The following ZNF257 variants were observed in gnomAD, a reference collection of about 807,000 sequenced individuals.
The protein encoded by ZNF257 is zinc finger protein 257.
In ZNF257, 12 loss-of-function variants were observed where a neutral mutation model predicts 11.9. That is an observed-to-expected ratio of 1.01 (90% confidence interval 0.65 to 1.63). ZNF257 has a LOEUF of 1.63. ZNF257 is among the 40% of genes most tolerant of loss of function. The pLI is 0.00. For synonymous variants in ZNF257, 183 were observed against 222.7 expected (o/e 0.82, Z 1.59); for missense variants, 580 against 665.5 (o/e 0.87, Z 1.41).
intron 3 of ZNF257, among the ~76,000 whole-genome samples, chr19:22,079,598 T>G (rs1013429193): frequency 1.3e-5 from 2 of 152,084 alleles, no homozygotes; most frequent in African/African-American, 4.8e-5. Flanking sequence ...CTCCTGGAAC[T>G]TATTCACTAT....
chr19:22,087,634 A>G, intron 3 of ZNF257: 4 of 1,164,160 alleles, frequency 3.4e-6, no homozygotes, highest in Non-Finnish European at 4.3e-6. Flanking sequence ...AAATAGAAAC[A>G]AGGAGTTGGC....
chr19:22,062,288 A>C (rs916693139), intron 1 of ZNF257, among the ~76,000 whole-genome samples: 2 of 134,442 alleles, frequency 1.5e-5, no homozygotes, highest in African/African-American at 5.7e-5. Flanking sequence ...TGCAGTGGCG[A>C]ATTTTTTTTG....
intron 1 of ZNF257, among the ~76,000 whole-genome samples, chr19:22,071,107 C>T (rs1292577133): frequency 6.6e-6 from 1 of 152,000 alleles, no homozygotes; most frequent in East Asian, 1.9e-4. Flanking sequence ...AAGGTAGAAA[C>T]CTTTGCACTA....
intron 3 of ZNF257, among the ~76,000 whole-genome samples, chr19:22,079,969 G>A (rs959822752): frequency 6.6e-6 from 1 of 151,944 alleles, no homozygotes; most frequent in Non-Finnish European, 1.5e-5. Context: ...TATAATTTTG[G>A]TATACTTAAA....
At chr19:22,066,994 G>A (rs1195638166) in intron 1 of ZNF257, among the ~76,000 whole-genome samples, 4 of 151,724 alleles carry the variant, frequency 2.6e-5, no homozygotes, top group Admixed American at 6.6e-5. Context: ...TCCAGACACT[G>A]TCTAGAATTA....
intron 3 of ZNF257, among the ~76,000 whole-genome samples, chr19:22,076,331 A>G (rs1287122723): frequency 6.6e-6 from 1 of 151,036 alleles, no homozygotes; most frequent in Non-Finnish European, 1.5e-5. Context: ...TATTTTAGCA[A>G]TGTAAGGCTA....
At position 22,089,684 on chromosome 19, in the gene ZNF257, C is replaced by A. The variant is rs1029171798; in HGVS notation, c.*242C>A. ...TCTCAACTCTTACTAAACATGAGAACACATGTGGAAGATAAAGCCTACAAA... is the reference window on the plus strand; with the variant it reads ...TCTCAACTCTTACTAAACATGAGAAAACATGTGGAAGATAAAGCCTACAAA... On this transcript the variant is annotated 3_prime_UTR_variant, in exon 4 of 4. Coordinates refer to ENST00000594947, the MANE Select transcript of ZNF257 (RefSeq NM_033468.4). 3 of 982,412 alleles carry A rather than the reference C, an allele frequency of 3.1e-6. No homozygotes were observed. Among genetic ancestry groups the A allele is most frequent in the African/African-American group, 3.3e-5 (2 of 60,362 alleles). 60.9% of individuals were successfully genotyped at this position (982,412 alleles called of 1,614,324 possible). A position where few individuals can be genotyped will look rare whatever the true frequency, so the allele number is the denominator to read the frequency against.
chr19:22,084,544 C>T (rs2022431291), intron 3 of ZNF257, among the ~76,000 whole-genome samples: 1 of 151,614 alleles, frequency 6.6e-6, no homozygotes, highest in Admixed American at 6.6e-5. Flanking sequence ...ATTTGAAAAA[C>T]ATTGCATTAA....
chr19:22,089,469 A>G lies in ZNF257; in HGVS notation c.*27A>G. On this transcript the variant is annotated 3_prime_UTR_variant, in exon 4 of 4. Transcript: ENST00000594947. ...GGAGAAAAACCCTACAAATGTGAAG[A>G]ATGTGTCAAAGCTTTTAACTGTTCC... The G allele has an allele frequency of 6.3e-7, 1 of 1,588,146 alleles. No homozygotes were observed. The highest frequency in any genetic ancestry group is 8.6e-7 in the Non-Finnish European group (1 of 1,167,248).
chr19:22,062,687 G>A (rs2021836094), intron 1 of ZNF257, among the ~76,000 whole-genome samples: 1 of 152,000 alleles, frequency 6.6e-6, no homozygotes, highest in South Asian at 2.1e-4. Context: ...TCTCCATGTT[G>A]GTCAGGCTGG....
chr19:22,078,687 GTTAA>G (rs1341957118), intron 3 of ZNF257, among the ~76,000 whole-genome samples: 1 of 151,408 alleles, frequency 6.6e-6, no homozygotes, highest in Non-Finnish European at 1.5e-5. Flanking sequence ...TAAAAAATTG[GTTAA>G]TTATTTTTTA....
chr19:22,061,993 G>A (rs2021806976), intron 1 of ZNF257, among the ~76,000 whole-genome samples: 2 of 150,972 alleles, frequency 1.3e-5, no homozygotes, highest in Admixed American at 6.6e-5. Flanking sequence ...AAGCCTACTT[G>A]ATTATAGTGG....
At chr19:22,073,982 T>G (rs2022169451) in intron 3 of ZNF257, among the ~76,000 whole-genome samples, 1 of 152,180 alleles carries the variant, frequency 6.6e-6, no homozygotes, top group South Asian at 2.1e-4. Context: ...CCATTGAATT[T>G]TTTAATTTTT....
At position 22,088,403 on chromosome 19, in the gene ZNF257, G is replaced by C. The variant is rs755947286; in HGVS notation, c.653G>C (p.Arg218Pro). 3 of 1,612,192 alleles carry C rather than the reference G, an allele frequency of 1.9e-6. No individual in the cohort carries two copies. The highest frequency in any genetic ancestry group is 1.7e-6 in the Non-Finnish European group (2 of 1,179,452). Residue 218 changes from arginine (R) to proline (P), a missense_variant, in exon 4 of 4, where the codon CGA (arginine) becomes CCA (proline). Coordinates refer to ENST00000594947, the MANE Select transcript of ZNF257 (RefSeq NM_033468.4). ...TTTAACCAGTCCTCAGCTCTTACTC[G>C]ACATAAGATGACTCATACTGGAGAG... Reference protein sequence around the residue: ...KAFNQSSALTRHKMTHTGEKP... With the variant: ...KAFNQSSALTPHKMTHTGEKP...
intron 1 of ZNF257, among the ~76,000 whole-genome samples, chr19:22,054,823 G>A (rs990748614): frequency 6.6e-6 from 1 of 151,722 alleles, no homozygotes; most frequent in African/African-American, 2.4e-5. Flanking sequence ...TTTTGTTCTT[G>A]GTCTTGGGCT....
At chr19:22,064,148 T>C (rs547789031) in intron 1 of ZNF257, 75 of 152,324 alleles carry the variant, frequency 4.9e-4, no homozygotes, top group African/African-American at 1.7e-3. Flanking sequence ...TCTGCTGAAA[T>C]TGAGATGTCC....
intron 1 of ZNF257, among the ~76,000 whole-genome samples, chr19:22,057,641 C>G (rs2021679348): frequency 6.6e-6 from 1 of 152,074 alleles, no homozygotes; most frequent in Admixed American, 6.6e-5. Flanking sequence ...GGAGGAAGCA[C>G]TAACAATAAT....
Position 22,089,700 on chromosome 19 carries a change from A to G in ZNF257, c.*258A>G, listed in dbSNP as rs986431777. 9.6e-6 allele frequency: 8 copies of G among 832,118 alleles called. No individual in the cohort carries two copies. In the African/African-American group the frequency reaches 1.4e-4, roughly 14 times the overall value. The allele number at this position is 832,118 out of a possible 1,614,324, so 51.5% of individuals were successfully genotyped here. A position where few individuals can be genotyped will look rare whatever the true frequency, so the allele number is the denominator to read the frequency against. ...ACATGAGAACACATGTGGAAGATAA[A>G]GCCTACAAATATGAAGAATGTGACA... On this transcript the variant is annotated 3_prime_UTR_variant, in exon 4 of 4. Transcript: ENST00000594947.
rs533837600 is a variant in ZNF257, at chr19:22,063,534, A to G, written c.4-9275A>G. 2.6e-5 allele frequency among the ~76,000 whole-genome samples: 4 copies of G among 152,318 alleles called. No homozygotes were observed. The South Asian group carries it at 8.3e-4, about 32-fold the overall frequency. ...CTTACCACTGCCTTAGCTGTGTTGC[A>G]GCAATTCTGGTATGCTGTATCTTTA... is the stretch of plus-strand genomic sequence containing the variant. On this transcript the variant is annotated intron_variant, in intron 1 of 3. Coordinates refer to ENST00000594947, the MANE Select transcript of ZNF257 (RefSeq NM_033468.4).
Sources: gnomAD v4.1 joint callset for allele counts (sites outside exome capture counted in the v4.1 genomes callset) on GRCh38, gnomAD v4.1.1 for gene constraint, MANE v1.5 for transcripts, NCBI Gene and HGNC (gene_info 2026-07-23, HGNC 2026-07-21) for gene names.